ARHGEF2: variants seen among roughly 807,000 people sequenced by gnomAD.
ARHGEF2 encodes Rho/Rac guanine nucleotide exchange factor 2, also known as rho guanine nucleotide exchange factor 2.
A neutral mutation model predicts 121.0 loss-of-function variants in ARHGEF2; 22 were observed. The ratio of observed to expected loss-of-function variants is 0.18; its 90% CI spans 0.13 to 0.26. The LOEUF (loss-of-function observed/expected upper bound fraction) is 0.26. Among genes scored for constraint, ARHGEF2 ranks in the 10% least tolerant of loss-of-function variants. The pLI is 1.00. For synonymous variants in ARHGEF2, 487 were observed against 530.0 expected, an observed-to-expected ratio of 0.92 and a Z score of 1.11; for missense variants, 907 against 1,336.0, an observed-to-expected ratio of 0.68 and a Z score of 5.01.
At chr1:155,953,130 T>A (rs1675855321) in intron 14 of ARHGEF2, among the ~76,000 whole-genome samples, 1 of 151,546 alleles carries the variant, frequency 6.6e-6, no homozygotes, top group Non-Finnish European at 1.5e-5. Context: ...CCAGGTGTGG[T>A]GGCACGCGCC....
At chr1:155,971,893 A>G (rs1301529151) in intron 1 of ARHGEF2, among the ~76,000 whole-genome samples, 4 of 149,450 alleles carry the variant, frequency 2.7e-5, no homozygotes, top group Middle Eastern at 3.2e-3. Flanking sequence ...TAAAAAAAAA[A>G]AATATATACA....
intron 11 of ARHGEF2, among the ~76,000 whole-genome samples, chr1:155,959,271 C>T (rs1244889114): frequency 2.0e-5 from 3 of 151,934 alleles, no homozygotes; most frequent in Admixed American, 6.6e-5. Context: ...TTTTTTGAGA[C>T]GGAGTCTCAC....
chr1:155,965,035 AG>A lies in ARHGEF2; in HGVS notation c.676del (p.Leu226CysfsTer8). On this transcript the variant is annotated frameshift_variant, in exon 7 of 22. Transcript: ENST00000361247. LOFTEE classifies it high-confidence loss of function. This position sits in a 1 kb window ranked among gnomAD's most constrained non-coding sequence, Gnocchi z 6.0. ...CATCACCTCCTTTTTATGCTGCTGC[AG>A]GAAGCTGCTGTCCACAGCAAGACTC... The part of the protein sequence containing the change: ...SWSLAVDSSF[L>X]QQHKKEVMKQ... The A allele has an allele frequency of 6.2e-7, 1 of 1,614,196 alleles. No homozygotes were observed. The highest frequency in any genetic ancestry group is 8.5e-7 in the Non-Finnish European group (1 of 1,180,032).
intron 12 of ARHGEF2, 87 bp downstream of exon 12, chr1:155,958,233 C>T: frequency 9.3e-7 from 1 of 1,080,134 alleles, no homozygotes; most frequent in Non-Finnish European, 1.4e-6. Context: ...CTGGGGGACT[C>T]CAGAGCTCTC....
rs1679162144 is a variant in ARHGEF2, at chr1:155,965,393, G to T, written c.490C>A (p.Pro164Thr). ...GAGAGGATCCGGCGCAGCCCCAGGG[G>T]AGACTCATCATTGAAATGTCTGAAG... ...NIAGHFNDES[P>T]LGLRRILSQS... Residue 164 changes from proline to threonine, a missense_variant, in exon 6 of 22, where the codon CCC becomes ACC. Physicochemically the swap from Pro to Thr is conservative, Grantham distance 38 (BLOSUM62 -1). Transcript: ENST00000361247. The surrounding 1 kb of genome is among the most constrained non-coding windows in gnomAD (Gnocchi z 6.0). The T allele has an allele frequency of 3.1e-6, 5 of 1,614,146 alleles. No homozygotes were observed. Among genetic ancestry groups the T allele is most frequent in the Non-Finnish European group, 4.2e-6 (5 of 1,180,004 alleles).
intron 3 of ARHGEF2, 151 bp from the exon 4 acceptor site, chr1:155,966,630 G>A (rs2102675560): frequency 4.7e-6 from 5 of 1,054,732 alleles, no homozygotes; most frequent in Non-Finnish European, 5.8e-6. Context: ...GCCCAGTGCT[G>A]TGGGGACATG....
At chr1:155,969,972 G>T (rs1680154480) in intron 1 of ARHGEF2, 1 of 985,372 alleles carries the variant, frequency 1.0e-6, no homozygotes, top group Non-Finnish European at 1.2e-6. Flanking sequence ...TACTAACCTT[G>T]AGGCAAAGGC....
chr1:155,970,857 GC>G, intron 1 of ARHGEF2: 1 of 986,376 alleles, frequency 1.0e-6, no homozygotes, highest in Non-Finnish European at 1.2e-6. Flanking sequence ...CTCCAGGTTT[GC>G]CTGATGATGT....
Position 155,957,999 on chromosome 1 carries a change from G to A in ARHGEF2, c.1546-117C>T, listed in dbSNP as rs1036389021. Reference sequence around the variant, plus strand: ...ACTGAAGAGTCATCTTACAATACCAGTTAAGAGCCAGGCACTGGTGCCAGC... The same window carrying A: ...ACTGAAGAGTCATCTTACAATACCAATTAAGAGCCAGGCACTGGTGCCAGC... On this transcript the variant is annotated intron_variant, in intron 12 of 21. Coordinates refer to ENST00000361247, the MANE Select transcript of ARHGEF2 (RefSeq NM_001162383.2). 2.7e-6 allele frequency: 3 copies of A among 1,101,098 alleles called. No homozygotes were observed. In the African/African-American group the frequency reaches 4.8e-5, roughly 17 times the overall value. 68.2% of individuals were successfully genotyped at this position (1,101,098 alleles called of 1,614,324 possible).
Position 155,962,205 on chromosome 1 carries a change from G to C in ARHGEF2, c.1119C>G (p.Ala373=), listed in dbSNP as rs539613231. 20 of 1,614,046 alleles carry C rather than the reference G, an allele frequency of 1.2e-5. No individual in the cohort carries two copies. The highest frequency in any genetic ancestry group is 4.4e-5 in the South Asian group (4 of 91,078). ...QQFIRKVTRP[A]VLKRHGVQEC... Reference sequence around the variant, plus strand: ...CCTGTACCCCGTGCCGCTTGAGCACGGCGGGGCGGGTCACTTTCTACAAGG... The same window carrying C: ...CCTGTACCCCGTGCCGCTTGAGCACCGCGGGGCGGGTCACTTTCTACAAGG... The change falls in exon 10 of 22, where the codon GCC becomes GCG. Residue 373 remains alanine, a synonymous_variant. Transcript: ENST00000361247. This position sits in a 1 kb window ranked among gnomAD's most constrained non-coding sequence, Gnocchi z 5.8.
chr1:155,964,896 AAAAAAAAAAAAAAG>A (rs1440677160), intron 7 of ARHGEF2, 78 bp downstream of exon 7: 118 of 1,230,308 alleles, frequency 9.6e-5, no homozygotes, highest in Non-Finnish European at 1.6e-5. Context: ...CCATCTCAAA[AAAAAAAAAAAAAAG>A]AAAAAGAAAA....
chr1:155,962,149 G>A lies in ARHGEF2; in HGVS notation c.1175C>T (p.Thr392Ile). ...ECILLVTQRITKYPLLISRIL... is the reference protein window; with the variant it reads ...ECILLVTQRIIKYPLLISRIL... The stretch of plus-strand genomic sequence containing the variant: ...GCGGCTGATGAGTAACGGGTACTTG[G>A]TGATGCGCTGAGTCACCAGCAGGAT... Residue 392 changes from threonine to isoleucine, a missense_variant, in exon 10 of 22, where the codon ACC (threonine) becomes ATC (isoleucine). Transcript: ENST00000361247. The surrounding 1 kb of genome is among the most constrained non-coding windows in gnomAD (Gnocchi z 5.8). 6.2e-7 allele frequency: 1 copy of A among 1,614,208 alleles called. No individual in the cohort carries two copies. Among genetic ancestry groups the A allele is most frequent in the East Asian group, 2.2e-5 (1 of 44,876 alleles).
chr1:155,971,992 TG>T (rs1470347027), intron 1 of ARHGEF2, among the ~76,000 whole-genome samples: 1 of 152,010 alleles, frequency 6.6e-6, no homozygotes, highest in African/African-American at 2.4e-5. Flanking sequence ...CACTCCAGAA[TG>T]GGCAGTGCTG....
chr1:155,969,101 G>A (rs1329023615), intron 2 of ARHGEF2, 55 bp downstream of exon 2: 9 of 1,600,678 alleles, frequency 5.6e-6, no homozygotes, highest in Non-Finnish European at 7.7e-6. Flanking sequence ...CAGATGAAAA[G>A]ATCAGGGTCA....
At chr1:155,952,547 G>T in intron 15 of ARHGEF2, 81 bp downstream of exon 15, 1 of 1,469,634 alleles carries the variant, frequency 6.8e-7, no homozygotes, top group Non-Finnish European at 9.3e-7. Context: ...ACTTGTCTGT[G>T]TTTGTCCATG....
In ARHGEF2 at chr1:155,965,455, A is replaced by G; in HGVS notation, c.471-43T>C. ...TGTCTGCATCACCCCCAGTCGGGCA[A>G]AAGATCCCTTCCCAGGTAGGGAACC... On this transcript the variant is annotated intron_variant, in intron 5 of 21. Coordinates refer to ENST00000361247, the MANE Select transcript of ARHGEF2 (RefSeq NM_001162383.2). This position sits in a 1 kb window ranked among gnomAD's most constrained non-coding sequence, Gnocchi z 6.0. 1 of 1,604,184 alleles carries G rather than the reference A, an allele frequency of 6.2e-7. No individual in the cohort carries two copies. Among genetic ancestry groups the G allele is most frequent in the Non-Finnish European group, 8.5e-7 (1 of 1,171,218 alleles).
rs1169337127 is a variant in ARHGEF2, at chr1:155,965,193, C to T, written c.581-62G>A. 5 of 1,609,092 alleles carry T rather than the reference C, an allele frequency of 3.1e-6. No homozygotes were observed. The highest frequency in any genetic ancestry group is 1.3e-5 in the African/African-American group (1 of 74,782). On this transcript the variant is annotated intron_variant, in intron 6 of 21. Transcript: ENST00000361247. This position sits in a 1 kb window ranked among gnomAD's most constrained non-coding sequence, Gnocchi z 6.0. ...AGTTCCCTTCCCTGGGTCCCTGGCC[C>T]TTCTCTAGATCCCTTCCCTCCTTGT...
At chr1:155,956,307 C>T (rs967621561) in intron 13 of ARHGEF2, among the ~76,000 whole-genome samples, 10 of 151,774 alleles carry the variant, frequency 6.6e-5, no homozygotes, top group Admixed American at 2.6e-4. Context: ...CCATATTGGC[C>T]GGGCTGGTCT....
At chr1:155,972,249 A>G in intron 1 of ARHGEF2, 1 of 466,420 alleles carries the variant, frequency 2.1e-6, no homozygotes, top group Middle Eastern at 3.2e-4. Flanking sequence ...ACCTCCCAAC[A>G]CTCACCCTCT....
Sources: gnomAD v4.1 joint callset for allele counts (sites outside exome capture counted in the v4.1 genomes callset) on GRCh38, gnomAD v4.1.1 for gene constraint, Gnocchi (gnomAD v3.1) non-coding constraint, MANE v1.5 for transcripts, NCBI Gene and HGNC (gene_info 2026-07-23, HGNC 2026-07-21) for gene names.